ABCA12: variants seen among roughly 807,000 people sequenced by gnomAD.
ABCA12 encodes ATP binding cassette subfamily A member 12.
ABCA12 carries 156 observed loss-of-function variants against 293.5 expected under a neutral mutation model. The observed-to-expected ratio is 0.53, with a 90% CI of 0.47 to 0.61. The LOEUF (loss-of-function observed/expected upper bound fraction) is 0.61, where lower values mean the gene tolerates loss of function less well. Ranked by LOEUF, ABCA12 falls within the 20% of genes least tolerant of loss-of-function variation. The probability of loss-of-function intolerance (pLI) is 0.00; values close to 1 mark genes in which losing one functional copy is unlikely to be tolerated. For missense variants in ABCA12, 2,797 were observed against 3,090.2 expected, an observed-to-expected ratio of 0.91 and a Z score of 2.25; for synonymous variants, 1,063 against 1,108.0, an observed-to-expected ratio of 0.96 and a Z score of 0.81.
chr2:214,950,384 CTGTGTGTGTGTGTGTGTGTGTG>C (rs61619476), intron 45 of ABCA12, among the ~76,000 whole-genome samples: 1 of 116,582 alleles, frequency 8.6e-6, no homozygotes, highest in Non-Finnish European at 1.9e-5. Context: ...ATATATATAT[CTGTGTGTGTGTGTGTGTGTGTG>C]TGTGTGTGTG....
intron 7 of ABCA12, among the ~76,000 whole-genome samples, chr2:215,041,417 T>C (rs1342775750): frequency 1.3e-5 from 2 of 152,006 alleles, no homozygotes; most frequent in African/African-American, 4.8e-5. Context: ...CCGGGCATGG[T>C]GGCACGTGCC....
chr2:215,017,361 A>G (rs16853145), intron 14 of ABCA12, among the ~76,000 whole-genome samples: 4,778 of 152,320 alleles, frequency 0.031, 240 homozygotes, highest in African/African-American at 0.11. Flanking sequence ...TATTACCAGC[A>G]TATGAAGAAA....
intron 6 of ABCA12, among the ~76,000 whole-genome samples, chr2:215,047,126 G>C (rs1431910831): frequency 1.3e-5 from 2 of 152,120 alleles, no homozygotes; most frequent in South Asian, 4.1e-4. Context: ...TGCATTCTTG[G>C]CTTAATACCT....
intron 39 of ABCA12, among the ~76,000 whole-genome samples, chr2:214,963,988 CAAT>C (rs1559118022): frequency 5.4e-5 from 8 of 149,272 alleles, no homozygotes; most frequent in Admixed American, 2.0e-4. Context: ...CAAAAATTCT[CAAT>C]AAAACACTGG....
At chr2:214,963,019 C>G (rs1699155892) in intron 39 of ABCA12, 1 of 151,760 alleles carries the variant, frequency 6.6e-6, no homozygotes, top group Non-Finnish European at 1.5e-5. Context: ...CTTAGAGAAC[C>G]AAGAGCAAAT....
At chr2:214,975,564 T>C (rs971822484) in intron 34 of ABCA12, among the ~76,000 whole-genome samples, 2 of 152,182 alleles carry the variant, frequency 1.3e-5, no homozygotes, top group African/African-American at 4.8e-5. Flanking sequence ...ATATCTACTA[T>C]AACTTTAGTT....
At chr2:214,974,118 AGTATTT>A in intron 35 of ABCA12, 76 bp from the exon 36 acceptor site, 1 of 1,297,174 alleles carries the variant, frequency 7.7e-7, no homozygotes, top group South Asian at 1.2e-5. Flanking sequence ...CATGTAAACA[AGTATTT>A]GGTATTAAGT....
intron 14 of ABCA12, among the ~76,000 whole-genome samples, chr2:215,015,875 T>C (rs1040551971): frequency 5.6e-4 from 85 of 152,336 alleles, no homozygotes; most frequent in African/African-American, 1.9e-3. Context: ...CCGGGCGCGG[T>C]GGCTCACGCC....
chr2:215,024,470 A>C (rs1186043080), intron 11 of ABCA12, among the ~76,000 whole-genome samples: 1 of 152,228 alleles, frequency 6.6e-6, no homozygotes, highest in East Asian at 1.9e-4. Flanking sequence ...CTCTAATATT[A>C]TCGAAGAAGT....
intron 18 of ABCA12, 97 bp from the exon 19 acceptor site, chr2:215,007,943 G>A: frequency 6.7e-7 from 1 of 1,493,878 alleles, no homozygotes; most frequent in Non-Finnish European, 9.2e-7. Flanking sequence ...AACTTCAAAA[G>A]ACAGTTCTAA....
intron 1 of ABCA12, among the ~76,000 whole-genome samples, chr2:215,116,532 AC>A (rs1292119507): frequency 2.0e-5 from 3 of 152,220 alleles, no homozygotes; most frequent in African/African-American, 7.2e-5. Context: ...GAATACAGAT[AC>A]CAGCCTGTGG....
intron 39 of ABCA12, 119 bp downstream of exon 39, chr2:214,966,729 C>T: frequency 2.3e-6 from 2 of 874,686 alleles, no homozygotes; most frequent in East Asian, 2.6e-5. Flanking sequence ...TTTTAAAGAC[C>T]TGTGATTTAG....
intron 31 of ABCA12, among the ~76,000 whole-genome samples, chr2:214,979,634 A>G (rs1362266793): frequency 6.6e-6 from 1 of 151,980 alleles, no homozygotes; most frequent in Non-Finnish European, 1.5e-5. Context: ...AATTCCTCAC[A>G]CTCCATCAGA....
In ABCA12 at chr2:214,937,595, A is replaced by G. The variant is rs1288929217; in HGVS notation, c.7457T>C (p.Val2486Ala). Reference sequence around the variant, plus strand: ...TTTGTTATTCTTCAAGTGAACTTTGACAGTAAATCCTCGTCCAAACCTAGA... The same window carrying G: ...TTTGTTATTCTTCAAGTGAACTTTGGCAGTAAATCCTCGTCCAAACCTAGA... ...IKSRFGRGFT[V>A]KVHLKNNKVT... The change falls in exon 51 of 53, where the codon GTC becomes GCC. Residue 2486 changes from valine (V) to alanine (A), a missense_variant. Val to Ala is a moderately conservative substitution (Grantham distance 64, BLOSUM62 0). Transcript: ENST00000272895. 6.2e-7 allele frequency: 1 copy of G among 1,613,862 alleles called. No individual in the cohort carries two copies. The highest frequency in any genetic ancestry group is 1.7e-5 in the Admixed American group (1 of 59,986).
intron 23 of ABCA12, among the ~76,000 whole-genome samples, chr2:214,997,298 CTCTA>C (rs1050160120): frequency 6.6e-6 from 1 of 152,164 alleles, no homozygotes; most frequent in African/African-American, 2.4e-5. Flanking sequence ...ATGTTTATAG[CTCTA>C]TCTATATCTA....
chr2:214,944,875 A>G (rs1016481786), intron 49 of ABCA12, 126 bp downstream of exon 49: 71 of 514,098 alleles, frequency 1.4e-4, no homozygotes, highest in South Asian at 4.1e-4. Context: ...GTATGTGTGT[A>G]TATATATATA....
chr2:214,946,790 C>A (rs1698596261), intron 48 of ABCA12, among the ~76,000 whole-genome samples: 1 of 152,088 alleles, frequency 6.6e-6, no homozygotes, highest in Admixed American at 6.6e-5. Context: ...AGAATATTAA[C>A]ATTACTACTA....
Position 214,950,977 on chromosome 2 carries a change from C to A in ABCA12, c.6754G>T (p.Asp2252Tyr), listed in dbSNP as rs1198178692. The A allele has an allele frequency of 1.2e-6, 2 of 1,614,032 alleles. No individual in the cohort carries two copies. The highest frequency in any genetic ancestry group is 2.7e-5 in the African/African-American group (2 of 74,916). The change falls in exon 45 of 53, where the codon GAC becomes TAC. Residue 2252 changes from aspartate (D) to tyrosine (Y), a missense_variant. Physicochemically the swap from Asp to Tyr is radical, Grantham distance 160. This residue lies in a region of ABCA12 where 2,130 missense variants were observed against 2,427.0 expected (regional missense o/e 0.88). Coordinates refer to ENST00000272895, the MANE Select transcript of ABCA12 (RefSeq NM_173076.3). Reference sequence around the variant, plus strand: ...GTGAGACAATAAAGTTGGACCAAGTCAAATTCAGCTGCACCACTCTCAACT... The same window carrying A: ...GTGAGACAATAAAGTTGGACCAAGTAAAATTCAGCTGCACCACTCTCAACT... ...LRVESGAAEF[D>Y]LVQLYCLTKT... is the part of the protein sequence containing the mutation.
At chr2:215,070,925 ACT>A (rs1481551197) in intron 2 of ABCA12, among the ~76,000 whole-genome samples, 15 of 151,994 alleles carry the variant, frequency 9.9e-5, no homozygotes, top group Admixed American at 9.8e-4. Context: ...TCACACCTAT[ACT>A]CTCGCACTTT....
Sources: allele counts gnomAD v4.1 joint callset (sites outside exome capture counted in the v4.1 genomes callset), GRCh38; gene constraint gnomAD v4.1.1; regional missense constraint gnomAD v4.1.1; transcripts MANE v1.5; gene names NCBI Gene and HGNC (gene_info 2026-07-23, HGNC 2026-07-21).